Variants in ZFAT observed in about 807,000 individuals in gnomAD.
ZFAT encodes the protein zinc finger protein ZFAT.
Under a neutral mutation model 117.7 loss-of-function variants are expected in ZFAT, and 64 were observed. The ratio of observed to expected loss-of-function variants is 0.54; its 90% CI spans 0.44 to 0.67. The LOEUF (loss-of-function observed/expected upper bound fraction) is 0.67, where lower values mean the gene tolerates loss of function less well. ZFAT is among the 30% of genes least tolerant of loss of function. The pLI, the probability that ZFAT is intolerant of heterozygous loss-of-function variation, is 0.00. For missense variants in ZFAT, 1,433 were observed against 1,584.5 expected (o/e 0.90, Z 1.62); for synonymous variants, 679 against 615.0 (o/e 1.10, Z -1.54).
chr8:134,755,648 CA>C, the ZFAT span, among the ~76,000 whole-genome samples: 1 of 151,126 alleles, frequency 6.6e-6, no homozygotes, highest in South Asian at 2.1e-4. Flanking sequence ...CATGTCTCTA[CA>C]AAAAATACAA....
At chr8:134,646,691 ATTAAATTT>A (rs1830917651) in intron 2 of ZFAT, among the ~76,000 whole-genome samples, 1 of 152,178 alleles carries the variant, frequency 6.6e-6, no homozygotes, top group Admixed American at 6.5e-5. Flanking sequence ...CCACAAATGA[ATTAAATTT>A]TGAATAAAAA....
At chr8:134,746,840 T>A in the ZFAT span, among the ~76,000 whole-genome samples, 1 of 152,222 alleles carries the variant, frequency 6.6e-6, no homozygotes, top group Non-Finnish European at 1.5e-5. Flanking sequence ...AATCCCTTAA[T>A]TGAACTAGAA....
chr8:134,693,259 A>G (rs1284649902), intron 1 of ZFAT, among the ~76,000 whole-genome samples: 1 of 150,886 alleles, frequency 6.6e-6, no homozygotes, highest in East Asian at 1.9e-4. Flanking sequence ...ATGAGCCCAG[A>G]ATCTCTTGTA....
Position 134,602,601 on chromosome 8 carries a change from A to C in ZFAT, c.1118T>G (p.Ile373Ser), listed in dbSNP as rs569234545. Residue 373 changes from isoleucine to serine, a missense_variant, in exon 6 of 16, where the codon ATC (isoleucine) becomes AGC (serine). Physicochemically the swap from Ile to Ser is moderately radical, Grantham distance 142. This residue lies in a region of ZFAT where 436 missense variants were observed against 482.0 expected (regional missense o/e 0.90). Coordinates refer to ENST00000377838, the MANE Select transcript of ZFAT (RefSeq NM_020863.4). ...YSDVKNLIKH[I>S]RDAHDPQDKK... Reference sequence around the variant, plus strand: ...GTCCTGTGGGTCATGCGCGTCTCGGATGTGCTTGATGAGGTTCTTGACGTC... The same window carrying C: ...GTCCTGTGGGTCATGCGCGTCTCGGCTGTGCTTGATGAGGTTCTTGACGTC... 6.2e-7 allele frequency: 1 copy of C among 1,614,002 alleles called. No individual in the cohort carries two copies. The highest frequency in any genetic ancestry group is 1.1e-5 in the South Asian group (1 of 91,058).
At chr8:134,527,021 G>C (rs916231409) in intron 12 of ZFAT, among the ~76,000 whole-genome samples, 5 of 152,102 alleles carry the variant, frequency 3.3e-5, no homozygotes, top group South Asian at 2.1e-4. Context: ...GATCTTGAGA[G>C]GGGGAGGTCA....
Position 134,615,115 on chromosome 8 carries a change from C to T in ZFAT, c.449-4460G>A, listed in dbSNP as rs528779448. Among the ~76,000 whole-genome samples, 3 of 152,318 alleles carry T rather than the reference C, an allele frequency of 2.0e-5. No homozygotes were observed. The South Asian group carries it at 6.2e-4, about 32-fold the overall frequency. ...CGCTGAGTGCAGGCTCTGGTCCTCC[C>T]CTCAGCCAGGGACAGTGGGGTTCTC... On this transcript the variant is annotated intron_variant, in intron 3 of 15. Coordinates refer to ENST00000377838, the MANE Select transcript of ZFAT (RefSeq NM_020863.4).
At chr8:134,685,286 G>A (rs143640354) in intron 1 of ZFAT, among the ~76,000 whole-genome samples, 6 of 152,102 alleles carry the variant, frequency 3.9e-5, no homozygotes, top group South Asian at 2.1e-4. Flanking sequence ...CCACCAAGTC[G>A]ACCACCACAT....
rs75068106 is a variant in ZFAT at position 134,589,269 on chromosome 8, G to A, written c.2564-874C>T. 1.2e-3 allele frequency among the ~76,000 whole-genome samples: 183 copies of A among 152,356 alleles called. 4 individuals are homozygous for A. The East Asian group carries it at 0.033, about 28-fold the overall frequency. On this transcript the variant is annotated intron_variant, in intron 8 of 15. Coordinates refer to ENST00000377838, the MANE Select transcript of ZFAT (RefSeq NM_020863.4). Reference sequence around the variant, plus strand: ...CATGAGTTAACATGAGAAGGACAGAGCTGGGCCTTCAGAGAAGCACATAGC... The same window carrying A: ...CATGAGTTAACATGAGAAGGACAGAACTGGGCCTTCAGAGAAGCACATAGC...
chr8:134,779,460 C>T, the ZFAT span, among the ~76,000 whole-genome samples: 5 of 152,154 alleles, frequency 3.3e-5, no homozygotes, highest in Non-Finnish European at 7.4e-5. Context: ...TGGTAAACAG[C>T]AAAGAATACA....
intron 13 of ZFAT, among the ~76,000 whole-genome samples, chr8:134,513,416 G>A (rs66862731): frequency 3.9e-5 from 6 of 151,970 alleles, no homozygotes; most frequent in African/African-American, 7.3e-5. Context: ...GGATGGTCTC[G>A]ATCTCCTGAG....
intron 12 of ZFAT, among the ~76,000 whole-genome samples, chr8:134,523,896 T>A (rs1241790194): frequency 1.3e-5 from 2 of 152,218 alleles, no homozygotes; most frequent in Non-Finnish European, 2.9e-5. Context: ...AACTCTCTAA[T>A]GGATTTCCCT....
chr8:134,805,014 A>G, the ZFAT span: 1 of 471,370 alleles, frequency 2.1e-6, no homozygotes, highest in African/African-American at 2.0e-5. Context: ...TCTTCAGCTA[A>G]TAATTTATAT....
the ZFAT span, among the ~76,000 whole-genome samples, chr8:134,816,028 GTC>G: frequency 1.3e-5 from 2 of 152,182 alleles, no homozygotes; most frequent in African/African-American, 4.8e-5. Flanking sequence ...CTGGAACAGT[GTC>G]TGGCATATAG....
intron 2 of ZFAT, among the ~76,000 whole-genome samples, chr8:134,657,059 T>C (rs1039736203): frequency 2.0e-5 from 3 of 152,204 alleles, no homozygotes; most frequent in East Asian, 1.9e-4. Context: ...TAAGATTATA[T>C]AGACTTATTT....
At chr8:134,499,777 C>T (rs992989982) in intron 15 of ZFAT, among the ~76,000 whole-genome samples, 17 of 152,204 alleles carry the variant, frequency 1.1e-4, no homozygotes, top group African/African-American at 2.9e-4. Flanking sequence ...TAACTGAAGG[C>T]GGTAAGGCCG....
chr8:134,825,723 TAAG>T, the ZFAT span, among the ~76,000 whole-genome samples: 1 of 152,156 alleles, frequency 6.6e-6, no homozygotes, highest in African/African-American at 2.4e-5. Flanking sequence ...CAGGCATACT[TAAG>T]AAATGGTCCT....
At chr8:134,595,450 A>G (rs1331765918) in intron 7 of ZFAT, among the ~76,000 whole-genome samples, 1 of 152,106 alleles carries the variant, frequency 6.6e-6, no homozygotes, top group Non-Finnish European at 1.5e-5. Context: ...AGTACTTTTT[A>G]TCTCCGTTTT....
At chr8:134,590,816 C>T (rs1203396431) in intron 7 of ZFAT, among the ~76,000 whole-genome samples, 8 of 151,710 alleles carry the variant, frequency 5.3e-5, no homozygotes, top group South Asian at 2.1e-4. Context: ...CCACCACCAT[C>T]AACATCACCA....
In ZFAT at chr8:134,532,550, G is replaced by C. The variant is rs544361226; in HGVS notation, c.3115+284C>G. 2.0e-4 allele frequency among the ~76,000 whole-genome samples: 31 copies of C among 152,310 alleles called. No homozygotes were observed. The South Asian group carries it at 4.8e-3, about 23-fold the overall frequency. ...GCACGGACAAAGAATGGAAGGCAATGCTGACAAATCAGCATTGTGGAGGGT... is the reference window on the plus strand; with the variant it reads ...GCACGGACAAAGAATGGAAGGCAATCCTGACAAATCAGCATTGTGGAGGGT... On this transcript the variant is annotated intron_variant, in intron 12 of 15. Transcript: ENST00000377838.
Sources: allele counts gnomAD v4.1 joint callset (sites outside exome capture counted in the v4.1 genomes callset), GRCh38; gene constraint gnomAD v4.1.1; regional missense constraint gnomAD v4.1.1; transcripts MANE v1.5; gene names NCBI Gene and HGNC (gene_info 2026-07-23, HGNC 2026-07-21).